The following DSCC1 variants were observed in gnomAD, a reference collection of about 807,000 sequenced individuals.
The protein encoded by DSCC1 is sister chromatid cohesion protein DCC1.
DSCC1 carries 32 observed loss-of-function variants against 48.2 expected under a neutral mutation model. That is an observed-to-expected ratio of 0.66 (90% confidence interval 0.50 to 0.89). DSCC1 has a LOEUF of 0.89. Among genes scored for constraint, DSCC1 ranks in the 40% least tolerant of loss-of-function variants. The pLI is 0.00. For missense variants in DSCC1, 421 were observed against 471.7 expected (o/e 0.89, Z 1.00); for synonymous variants, 150 against 171.5 (o/e 0.87, Z 0.98).
At chr8:119,852,750 AC>A (rs1248396947) in intron 2 of DSCC1, 2 of 220,826 alleles carry the variant, frequency 9.1e-6, no homozygotes, top group African/African-American at 4.6e-5. Flanking sequence ...AGCAAAATCT[AC>A]TAAAAATGGG....
intron 3 of DSCC1, among the ~76,000 whole-genome samples, chr8:119,848,096 C>T (rs1418208870): frequency 6.6e-6 from 1 of 152,080 alleles, no homozygotes; most frequent in Non-Finnish European, 1.5e-5. Context: ...TCACCTCATC[C>T]TGGGACTACA....
At position 119,850,493 on chromosome 8, in the gene DSCC1, A is replaced by G; in HGVS notation, c.375T>C (p.Tyr125=). Residue 125 remains tyrosine, a synonymous_variant, in exon 3 of 9, where the codon TAT becomes TAC. Coordinates refer to ENST00000313655, the MANE Select transcript of DSCC1 (RefSeq NM_024094.3). The part of the protein sequence containing the change: ...HTEIFGFSNN[Y]WELRRRRPKL... Reference sequence around the variant, plus strand: ...TGGGTCTACGTCTTCTTAATTCCCAATAATTATTAGAAAAACCAAAGATCT... The same window carrying G: ...TGGGTCTACGTCTTCTTAATTCCCAGTAATTATTAGAAAAACCAAAGATCT... 1 of 1,575,852 alleles carries G rather than the reference A, an allele frequency of 6.3e-7. No homozygotes were observed. Among genetic ancestry groups the G allele is most frequent in the Middle Eastern group, 1.7e-4 (1 of 5,878 alleles).
intron 3 of DSCC1, 98 bp downstream of exon 3, chr8:119,850,283 AG>A: frequency 8.1e-7 from 1 of 1,230,746 alleles, no homozygotes; most frequent in Non-Finnish European, 1.1e-6. Context: ...CATTTATAAC[AG>A]CTATATAACA....
chr8:119,844,582 C>CT (rs796462086), intron 4 of DSCC1, among the ~76,000 whole-genome samples: 2,006 of 143,828 alleles, frequency 0.014, 31 homozygotes, highest in African/African-American at 0.039. Context: ...CAAGTGCTTT[C>CT]TTTTTTTTTT....
In DSCC1 at chr8:119,847,087, A is replaced by G. The variant is rs745789720; in HGVS notation, c.487-7T>C. On this transcript the variant is annotated splice_region_variant and splice_polypyrimidine_tract_variant and intron_variant, in intron 3 of 8. Coordinates refer to ENST00000313655, the MANE Select transcript of DSCC1 (RefSeq NM_024094.3). The stretch of plus-strand genomic sequence containing the variant: ...GCAAATCTTCAGTTGTATACTGCAA[A>G]AAGAAAAAAATATTTTAAGGCCTTT... 5 of 1,610,054 alleles carry G rather than the reference A, an allele frequency of 3.1e-6. No individual in the cohort carries two copies. In the South Asian group the frequency reaches 5.5e-5, roughly 18 times the overall value.
rs543813799 is a variant in DSCC1, at chr8:119,835,594, A to C, written c.1074-593T>G. ...ATATTAGATATGAGAACTATGGCTCAGACAAGTAATAAATGAGAGTCAAAT... is the reference window on the plus strand; with the variant it reads ...ATATTAGATATGAGAACTATGGCTCCGACAAGTAATAAATGAGAGTCAAAT... On this transcript the variant is annotated intron_variant, in intron 8 of 8. Coordinates refer to ENST00000313655, the MANE Select transcript of DSCC1 (RefSeq NM_024094.3). 5.3e-5 allele frequency among the ~76,000 whole-genome samples: 8 copies of C among 152,340 alleles called. No individual in the cohort carries two copies. The East Asian group carries it at 1.3e-3, about 26-fold the overall frequency.
chr8:119,836,077 C>T (rs1826677929), intron 8 of DSCC1, among the ~76,000 whole-genome samples: 1 of 152,190 alleles, frequency 6.6e-6, no homozygotes, highest in Non-Finnish European at 1.5e-5. Flanking sequence ...CTTTAGGAGG[C>T]CAAGGTGGGC....
intron 4 of DSCC1, among the ~76,000 whole-genome samples, chr8:119,844,709 C>G (rs971426703): frequency 6.6e-6 from 1 of 152,010 alleles, no homozygotes; most frequent in Non-Finnish European, 1.5e-5. Context: ...TACCATGGCA[C>G]CCCCTCTCTC....
chr8:119,850,299 T>A (rs529284334), intron 3 of DSCC1, 83 bp downstream of exon 3: 14 of 1,389,352 alleles, frequency 1.0e-5, no homozygotes, highest in Non-Finnish European at 1.2e-5. Flanking sequence ...ATAACATAAA[T>A]TTTAAAAAGT....
intron 4 of DSCC1, among the ~76,000 whole-genome samples, chr8:119,844,684 G>C (rs1826825780): frequency 6.6e-6 from 1 of 151,808 alleles, no homozygotes; most frequent in African/African-American, 2.4e-5. Context: ...GAGTAGCTGG[G>C]ATATTAAAGG....
At position 119,834,785 on chromosome 8, in the gene DSCC1, T is replaced by C. The variant is rs1280290869; in HGVS notation, c.*108A>G. ...TGCTTAAGATGAGGAGAAAAATGCC[T>C]TAGAAGACTAGGTTTCTAAAAGTCA... On this transcript the variant is annotated 3_prime_UTR_variant, in exon 9 of 9. Coordinates refer to ENST00000313655, the MANE Select transcript of DSCC1 (RefSeq NM_024094.3). 2.7e-6 allele frequency: 2 copies of C among 739,996 alleles called. No homozygotes were observed. The highest frequency in any genetic ancestry group is 4.7e-6 in the Non-Finnish European group (2 of 429,894). The allele number at this position is 739,996 out of a possible 1,614,324, so 45.8% of individuals were successfully genotyped here.
intron 4 of DSCC1, among the ~76,000 whole-genome samples, chr8:119,845,246 C>T (rs1242407815): frequency 6.6e-5 from 10 of 151,870 alleles, no homozygotes; most frequent in African/African-American, 2.4e-4. Context: ...CCAACATGCC[C>T]GGCCAAGTTT....
chr8:119,855,058 T>C (rs1397646920), intron 1 of DSCC1, among the ~76,000 whole-genome samples: 1 of 151,994 alleles, frequency 6.6e-6, no homozygotes, highest in East Asian at 1.9e-4. Flanking sequence ...TTTAAAAAAC[T>C]ACCTCAACTT....
At chr8:119,835,030 T>C (rs1180570366) in intron 8 of DSCC1, 29 bp from the exon 9 acceptor site, 1 of 1,421,988 alleles carries the variant, frequency 7.0e-7, no homozygotes, top group Non-Finnish European at 9.8e-7. Flanking sequence ...ATATATAACA[T>C]GAATATTTTA....
intron 7 of DSCC1, among the ~76,000 whole-genome samples, chr8:119,840,985 AT>A (rs1354677490): frequency 6.7e-6 from 1 of 149,986 alleles, no homozygotes; most frequent in South Asian, 2.1e-4. Flanking sequence ...TTATTTATTT[AT>A]TTATTATTAT....
At chr8:119,854,078 A>G (rs75067648) in intron 1 of DSCC1, among the ~76,000 whole-genome samples, 7,515 of 152,126 alleles carry the variant, frequency 0.049, 317 homozygotes, top group South Asian at 0.13. Flanking sequence ...GCTGGGTGTG[A>G]TGATGCACAC....
chr8:119,852,725 T>C (rs1345978966), intron 2 of DSCC1: 2 of 188,756 alleles, frequency 1.1e-5, no homozygotes, highest in Non-Finnish European at 2.2e-5. Context: ...GAGTCTCCTT[T>C]CAAAACACAT....
intron 2 of DSCC1, among the ~76,000 whole-genome samples, chr8:119,852,363 T>G (rs1230959325): frequency 2.6e-5 from 4 of 152,188 alleles, no homozygotes; most frequent in Non-Finnish European, 5.9e-5. Flanking sequence ...TTTCTTCATT[T>G]CTTTTTTGGA....
chr8:119,852,224 TAGAC>T (rs1312439423), intron 2 of DSCC1, among the ~76,000 whole-genome samples: 3 of 152,204 alleles, frequency 2.0e-5, no homozygotes, highest in Non-Finnish European at 4.4e-5. Context: ...TGTAACAACT[TAGAC>T]AGTTGTTTGG....
Sources: allele counts gnomAD v4.1 joint callset (sites outside exome capture counted in the v4.1 genomes callset), GRCh38; gene constraint gnomAD v4.1.1; transcripts MANE v1.5; gene names NCBI Gene and HGNC (gene_info 2026-07-23, HGNC 2026-07-21).